Variants in TMEM63A observed in about 807,000 individuals in gnomAD.
TMEM63A encodes transmembrane protein 63A, also known as mechanosensitive cation channel TMEM63A.
Under a neutral mutation model 100.6 loss-of-function variants are expected in TMEM63A, and 76 were observed. That is an observed-to-expected ratio of 0.76 (90% CI 0.63 to 0.91). TMEM63A has a LOEUF of 0.91. Ranked by LOEUF, TMEM63A falls within the 40% of genes least tolerant of loss-of-function variation. The pLI is 0.00. For missense variants in TMEM63A, 876 were observed against 1,008.8 expected (o/e 0.87, Z 1.78); for synonymous variants, 401 against 401.1 (o/e 1.00, Z 0.00).
downstream of TMEM63A, chr1:225,845,107 G>GC: frequency 6.2e-7 from 1 of 1,608,108 alleles, no homozygotes. Context: ...GGGGCGCAGG[G>GC]CCACAGCCTC....
intron 1 of TMEM63A, among the ~76,000 whole-genome samples, chr1:225,881,753 G>C (rs1359781065): frequency 1.3e-5 from 2 of 152,174 alleles, no homozygotes; most frequent in African/African-American, 2.4e-5. Context: ...GAACCTTTGC[G>C]GATTTGGTTT....
In TMEM63A at chr1:225,862,830, C is replaced by A; in HGVS notation, c.768G>T (p.Glu256Asp). 1 of 1,613,924 alleles carries A rather than the reference C, an allele frequency of 6.2e-7. No homozygotes were observed. Among genetic ancestry groups the A allele is most frequent in the Non-Finnish European group, 8.5e-7 (1 of 1,179,990 alleles). The change falls in exon 11 of 25, where the codon GAG (glutamate) becomes GAT (aspartate). Residue 256 changes from glutamate to aspartate, a missense_variant. Glu to Asp is a conservative substitution (Grantham distance 45, BLOSUM62 2). Coordinates refer to ENST00000366835, the MANE Select transcript of TMEM63A (RefSeq NM_014698.3). This position sits in a 1 kb window ranked among gnomAD's most constrained non-coding sequence, Gnocchi z 5.1. ...TGTAGCACAGCTGCACATCAACCAC[C>A]TCACACGTGGGATACGCGTCCCTGT... The part of the protein sequence containing the change: ...SHFRDAYPTC[E>D]VVDVQLCYNV...
At position 225,847,094 on chromosome 1, in the gene TMEM63A, C is replaced by T; in HGVS notation, c.2370G>A (p.Gln790=). The change falls in exon 24 of 25, where the codon CAG becomes CAA. Residue 790 remains glutamine (Q), a synonymous_variant. Transcript: ENST00000366835. ...TGCCCGTGGCGCTCTGCGCCAAGCA[C>T]TGTCCAGGGATAGTCCCGCTGATGT... ...IHNISGTIPG[Q]CLAQSATGSV... 6.2e-7 allele frequency: 1 copy of T among 1,613,790 alleles called. No individual in the cohort carries two copies. Among genetic ancestry groups the T allele is most frequent in the South Asian group, 1.1e-5 (1 of 91,052 alleles).
At chr1:225,848,825 G>T (rs1405918234) in intron 22 of TMEM63A, 72 bp downstream of exon 22, 9 of 1,252,286 alleles carry the variant, frequency 7.2e-6, no homozygotes, top group East Asian at 2.5e-5. Context: ...GGTGGGCGGG[G>T]TTGACAGCGA....
chr1:225,872,094 GA>G (rs199880126), intron 4 of TMEM63A, 41 bp from the exon 5 acceptor site: 78,109 of 922,652 alleles, frequency 0.085, 6 homozygotes, highest in South Asian at 0.13. Context: ...ATAATTCTTA[GA>G]AAAAAAAAAA....
At position 225,862,712 on chromosome 1, in the gene TMEM63A, G is replaced by T. The variant is rs1421290311; in HGVS notation, c.827+59C>A. ...GGCCTCCCGCCTCCCTTCCTAGCTG[G>T]GAGATGCGAGGCCAGCAAGGAAGGA... On this transcript the variant is annotated intron_variant, in intron 11 of 24. Transcript: ENST00000366835. The surrounding 1 kb of genome is among the most constrained non-coding windows in gnomAD (Gnocchi z 5.1). The T allele has an allele frequency of 1.1e-5, 17 of 1,612,020 alleles. No individual in the cohort carries two copies. Among genetic ancestry groups the T allele is most frequent in the Non-Finnish European group, 1.4e-5 (17 of 1,178,910 alleles).
At chr1:225,858,694 C>T (rs1218069172) in intron 15 of TMEM63A, among the ~76,000 whole-genome samples, 1 of 152,110 alleles carries the variant, frequency 6.6e-6, no homozygotes, top group Admixed American at 6.6e-5. Context: ...TCCTGCCACC[C>T]CAATCAACGA....
At position 225,866,627 on chromosome 1, in the gene TMEM63A, C is replaced by T. The variant is rs1044082896; in HGVS notation, c.622G>A (p.Val208Met). 13 of 1,614,124 alleles carry T rather than the reference C, an allele frequency of 8.1e-6. No individual in the cohort carries two copies. The highest frequency in any genetic ancestry group is 1.1e-5 in the Non-Finnish European group (13 of 1,180,006). The change falls in exon 9 of 25, where the codon GTG becomes ATG. Residue 208 changes from valine (V) to methionine (M), a missense_variant. By Grantham distance (21) the Val-to-Met change is conservative. Coordinates refer to ENST00000366835, the MANE Select transcript of TMEM63A (RefSeq NM_014698.3). ...TGAGTGTGGTGCCGCATGAAACCCA[C>T]AGTGAGGAAGAGGTAAATGACAGCA... is the stretch of plus-strand genomic sequence containing the variant. ...IFAVIYLFLTVGFMRHHTQSI... is the reference protein window; with the variant it reads ...IFAVIYLFLTMGFMRHHTQSI...
chr1:225,874,409 C>T, intron 3 of TMEM63A, 42 bp from the exon 4 acceptor site: 1 of 1,571,622 alleles, frequency 6.4e-7, no homozygotes, highest in African/African-American at 1.4e-5. Context: ...TATTGGATGG[C>T]TTCTCATTAG....
At chr1:225,860,160 G>A (rs1419068593) in intron 14 of TMEM63A, 1 of 152,782 alleles carries the variant, frequency 6.5e-6, no homozygotes, top group Admixed American at 6.5e-5. Context: ...AAAACTGTCA[G>A]AGGCAGAACT....
chr1:225,854,430 A>G (rs974368549), intron 18 of TMEM63A, among the ~76,000 whole-genome samples: 4 of 151,692 alleles, frequency 2.6e-5, no homozygotes, highest in Non-Finnish European at 4.4e-5. Flanking sequence ...TGAGATATGA[A>G]GGGATTCTGG....
chr1:225,861,134 ACGC>A, intron 13 of TMEM63A, 137 bp from the exon 14 acceptor site: 1 of 1,006,524 alleles, frequency 9.9e-7, no homozygotes, highest in Non-Finnish European at 1.4e-6. Flanking sequence ...ATTATGAGTA[ACGC>A]TATGTAAGAG....
Position 225,846,758 on chromosome 1 carries a change from G to C in TMEM63A, c.*181C>G. The C allele has an allele frequency of 2.9e-6, 1 of 343,422 alleles. No individual in the cohort carries two copies. The highest frequency in any genetic ancestry group is 5.3e-6 in the Non-Finnish European group (1 of 189,444). 21.3% of individuals were successfully genotyped at this position (343,422 alleles called of 1,614,324 possible). On this transcript the variant is annotated 3_prime_UTR_variant, in exon 25 of 25. Transcript: ENST00000366835. ...TGCAGAGCTGGAAGCTTGTGCCGGA[G>C]GGGAAACTGGGTGAGCAAGGGAGGG...
intron 2 of TMEM63A, 78 bp from the exon 3 acceptor site, chr1:225,877,672 C>G (rs1670878200): frequency 1.4e-6 from 2 of 1,421,576 alleles, no homozygotes; most frequent in Non-Finnish European, 1.9e-6. Context: ...GCTGGCAGAG[C>G]CAAAGGCAGG....
At chr1:225,858,318 G>GTTTTTTT (rs67373815) in intron 15 of TMEM63A, among the ~76,000 whole-genome samples, 1 of 70,160 alleles carries the variant, frequency 1.4e-5, no homozygotes, top group Non-Finnish European at 3.4e-5. Context: ...AGAATAGTTT[G>GTTTTTTT]TTTTTTTTTT....
At position 225,865,988 on chromosome 1, in the gene TMEM63A, G is replaced by GGA; in HGVS notation, c.676-23_676-22dup. 6.2e-7 allele frequency: 1 copy of GGA among 1,612,866 alleles called. No individual in the cohort carries two copies. The highest frequency in any genetic ancestry group is 8.5e-7 in the Non-Finnish European group (1 of 1,179,326). ...CTCACCTGTCCGGGAAATACAGCAG[G>GGA]GAGAGAAGTCACCCACAAGCCAGTG... On this transcript the variant is annotated intron_variant, in intron 9 of 24. Transcript: ENST00000366835. This position sits in a 1 kb window ranked among gnomAD's most constrained non-coding sequence, Gnocchi z 4.6.
chr1:225,842,424 C>G (rs1348887458), downstream of TMEM63A: 1 of 1,614,040 alleles, frequency 6.2e-7, no homozygotes, highest in African/African-American at 1.3e-5. Flanking sequence ...AGAAGTTTTC[C>G]ACCTGGACCA....
downstream of TMEM63A, chr1:225,845,203 G>A (rs772181713): frequency 5.7e-5 from 92 of 1,614,112 alleles, 4 homozygotes; most frequent in South Asian, 8.2e-4. Flanking sequence ...TATTGCACAC[G>A]CCTGAAAAGT....
intron 4 of TMEM63A, 53 bp downstream of exon 4, chr1:225,874,235 C>T: frequency 1.3e-6 from 2 of 1,542,072 alleles, no homozygotes; most frequent in Non-Finnish European, 1.8e-6. Context: ...CGCACATATA[C>T]ACACTCACAC....
Sources: allele counts gnomAD v4.1 joint callset (sites outside exome capture counted in the v4.1 genomes callset), GRCh38; gene constraint gnomAD v4.1.1; non-coding constraint Gnocchi (gnomAD v3.1); transcripts MANE v1.5; gene names NCBI Gene and HGNC (gene_info 2026-07-23, HGNC 2026-07-21).